PTPN13: variants seen among roughly 807,000 people sequenced by gnomAD.
PTPN13 encodes the protein tyrosine-protein phosphatase non-receptor type 13.
PTPN13 carries 191 observed loss-of-function variants against 284.0 expected under a neutral mutation model. The ratio of observed to expected loss-of-function variants is 0.67; its 90% CI spans 0.60 to 0.76. The LOEUF is 0.76. PTPN13 is among the 30% of genes least tolerant of loss of function. The pLI is 0.00. For missense variants in PTPN13, 2,797 were observed against 2,939.9 expected (o/e 0.95, Z 1.12); for synonymous variants, 986 against 1,022.3 (o/e 0.96, Z 0.68).
intron 15 of PTPN13, among the ~76,000 whole-genome samples, chr4:86,737,422 A>G (rs1427908132): frequency 6.6e-6 from 1 of 152,006 alleles, no homozygotes; most frequent in Non-Finnish European, 1.5e-5. Flanking sequence ...ATTTCTTTAT[A>G]TATCATCTAT....
intron 1 of PTPN13, among the ~76,000 whole-genome samples, chr4:86,630,629 G>T (rs550699630): frequency 2.0e-5 from 3 of 152,250 alleles, no homozygotes; most frequent in South Asian, 2.1e-4. Flanking sequence ...GACCAAAGAT[G>T]TCCTTAGCCT....
intron 3 of PTPN13, among the ~76,000 whole-genome samples, chr4:86,681,653 C>T (rs1353553683): frequency 6.6e-6 from 1 of 152,162 alleles, no homozygotes; most frequent in Non-Finnish European, 1.5e-5. Flanking sequence ...GTAGGCCGGG[C>T]GTGGTGGCTC....
rs189908499 is a variant in PTPN13, at chr4:86,758,228, A to T, written c.3224-32A>T. The T allele has an allele frequency of 1.4e-4, 196 of 1,449,210 alleles. 1 individual carries two copies. In the East Asian group the frequency reaches 4.7e-3, roughly 35 times the overall value. The allele number at this position is 1,449,210 out of a possible 1,614,324, so 89.8% of individuals were successfully genotyped here. A position where few individuals can be genotyped will look rare whatever the true frequency, so the allele number is the denominator to read the frequency against. On this transcript the variant is annotated intron_variant, in intron 20 of 47. Transcript: ENST00000411767. ...GACAGTCTTAATGCCTGAGCATGTTATATTTATTTTTAAATTATAAATTCC... is the reference window on the plus strand; with the variant it reads ...GACAGTCTTAATGCCTGAGCATGTTTTATTTATTTTTAAATTATAAATTCC...
At chr4:86,598,261 A>G (rs1763998879) in intron 1 of PTPN13, among the ~76,000 whole-genome samples, 1 of 151,912 alleles carries the variant, frequency 6.6e-6, no homozygotes, top group Non-Finnish European at 1.5e-5. Flanking sequence ...CTCCTGCCTC[A>G]GCCTCCTTAG....
Position 86,751,083 on chromosome 4 carries a change from A to T in PTPN13, c.3125A>T (p.Asp1042Val), listed in dbSNP as rs1737332534. ...RSPERRKHES[D>V]SSSIEDPGQA... The stretch of plus-strand genomic sequence containing the variant: ...CCTGAAAGGAGGAAACATGAATCAG[A>T]CTCCTCATCCATTGAAGACCCTGGG... The change falls in exon 19 of 48, where the codon GAC (aspartate) becomes GTC (valine). Residue 1042 changes from aspartate (D) to valine (V), a missense_variant. Transcript: ENST00000411767. 1.9e-6 allele frequency: 3 copies of T among 1,609,444 alleles called. No homozygotes were observed. The highest frequency in any genetic ancestry group is 2.6e-6 in the Non-Finnish European group (3 of 1,176,344).
At chr4:86,740,374 A>G (rs1470008814) in intron 15 of PTPN13, among the ~76,000 whole-genome samples, 1 of 152,116 alleles carries the variant, frequency 6.6e-6, no homozygotes, top group African/African-American at 2.4e-5. Flanking sequence ...CAGGCTCAAC[A>G]CCATGTGGAA....
chr4:86,754,620 A>G (rs1164970844), intron 20 of PTPN13, among the ~76,000 whole-genome samples: 3 of 151,826 alleles, frequency 2.0e-5, no homozygotes, highest in South Asian at 2.1e-4. Context: ...ACTCTAATCT[A>G]CTCTTTAGAC....
intron 15 of PTPN13, among the ~76,000 whole-genome samples, chr4:86,737,301 A>T (rs560435863): frequency 6.6e-6 from 1 of 151,994 alleles, no homozygotes; most frequent in South Asian, 2.1e-4. Flanking sequence ...ATAATAAAAT[A>T]TAAAAATATG....
chr4:86,664,645 CT>C (rs879930397), intron 2 of PTPN13, among the ~76,000 whole-genome samples: 41 of 152,108 alleles, frequency 2.7e-4, no homozygotes, highest in Non-Finnish European at 5.1e-4. Context: ...GTTACAAAAA[CT>C]TTTTTTCAGT....
At chr4:86,718,023 A>G (rs956198427) in intron 9 of PTPN13, among the ~76,000 whole-genome samples, 1 of 152,142 alleles carries the variant, frequency 6.6e-6, no homozygotes, top group East Asian at 1.9e-4. Context: ...GGATGGTGGT[A>G]TTATAGCTGT....
intron 40 of PTPN13, among the ~76,000 whole-genome samples, 157 bp downstream of exon 40, chr4:86,786,093 CATCCT>C (rs1204874450): frequency 1.3e-5 from 2 of 151,498 alleles, no homozygotes. Context: ...ATTAAAGTGT[CATCCT>C]ATCCTAGTGA....
chr4:86,709,702 A>C (rs2149042657), intron 7 of PTPN13, among the ~76,000 whole-genome samples: 1 of 152,338 alleles, frequency 6.6e-6, no homozygotes, highest in East Asian at 1.9e-4. Flanking sequence ...TGAAGTCGTA[A>C]CAACAGTGAA....
Position 86,618,895 on chromosome 4 carries a change from T to C in PTPN13, c.-5-16357T>C, listed in dbSNP as rs532181109. Among the ~76,000 whole-genome samples, 7 of 152,332 alleles carry C rather than the reference T, an allele frequency of 4.6e-5. No homozygotes were observed. In the South Asian group the frequency reaches 1.2e-3, roughly 27 times the overall value. The stretch of plus-strand genomic sequence containing the variant: ...CAAACAGGGACAATTTGACTTCCTC[T>C]TTTCCTAATTGAATACCCTTTATTT... On this transcript the variant is annotated intron_variant, in intron 1 of 47. Transcript: ENST00000411767.
At chr4:86,620,978 A>C (rs1182937449) in intron 1 of PTPN13, among the ~76,000 whole-genome samples, 1 of 152,156 alleles carries the variant, frequency 6.6e-6, no homozygotes, top group East Asian at 1.9e-4. Context: ...TCACTCTGCT[A>C]TTTTTATCTA....
intron 17 of PTPN13, among the ~76,000 whole-genome samples, chr4:86,748,815 C>G (rs997292524): frequency 6.6e-6 from 1 of 152,008 alleles, no homozygotes; most frequent in African/African-American, 2.4e-5. Flanking sequence ...GCCACCACGC[C>G]CAGCTAATTT....
intron 35 of PTPN13, among the ~76,000 whole-genome samples, chr4:86,776,972 T>C (rs1032397490): frequency 1.3e-5 from 2 of 152,234 alleles, no homozygotes; most frequent in African/African-American, 4.8e-5. Flanking sequence ...TTAATCCCAC[T>C]GGAACTTCAT....
At chr4:86,636,535 G>T (rs1723041073) in intron 2 of PTPN13, among the ~76,000 whole-genome samples, 1 of 152,176 alleles carries the variant, frequency 6.6e-6, no homozygotes, top group Non-Finnish European at 1.5e-5. Flanking sequence ...ATTGAGGGTA[G>T]TGATAGTTCT....
In PTPN13 at chr4:86,815,131, A is replaced by G. The variant is rs547592377; in HGVS notation, c.*580A>G. On this transcript the variant is annotated 3_prime_UTR_variant, in exon 48 of 48. Coordinates refer to ENST00000411767, the MANE Select transcript of PTPN13 (RefSeq NM_080683.3). ...AATCATTATCTCACTTTGTAAATAA[A>G]AACACACCTTAAAACATGAACAAGC... The G allele has an allele frequency of 6.5e-6, 1 of 152,764 alleles. No individual in the cohort carries two copies. The highest frequency in any genetic ancestry group is 2.1e-4 in the South Asian group (1 of 4,826). 9.5% of individuals were successfully genotyped at this position (152,764 alleles called of 1,614,324 possible).
At chr4:86,772,424 C>A (rs1740102358) in intron 31 of PTPN13, among the ~76,000 whole-genome samples, 1 of 151,926 alleles carries the variant, frequency 6.6e-6, no homozygotes, top group Admixed American at 6.6e-5. Flanking sequence ...CATGGTGGCA[C>A]ACACTTGTAA....
Sources: gnomAD v4.1 joint callset for allele counts (sites outside exome capture counted in the v4.1 genomes callset) on GRCh38, gnomAD v4.1.1 for gene constraint, MANE v1.5 for transcripts, NCBI Gene and HGNC (gene_info 2026-07-23, HGNC 2026-07-21) for gene names.